ARPC5: variants seen among roughly 807,000 people sequenced by gnomAD.
ARPC5 encodes actin related protein 2/3 complex subunit 5.
Under a neutral mutation model 15.4 loss-of-function variants are expected in ARPC5, and 5 were observed. That is an observed-to-expected ratio of 0.32 (90% confidence interval 0.17 to 0.68). The LOEUF is 0.68. Ranked by LOEUF, ARPC5 falls within the 30% of genes least tolerant of loss-of-function variation. The pLI, the probability that ARPC5 is intolerant of heterozygous loss-of-function variation, is 0.71. For missense variants in ARPC5, 138 were observed against 192.8 expected (o/e 0.72, Z 1.68); for synonymous variants, 85 against 72.2 (o/e 1.18, Z -0.90).
In ARPC5 at chr1:183,621,074, C is replaced by A. The variant is rs1186464076; in HGVS notation, c.*6458G>T. 1 of 151,960 alleles carries A rather than the reference C, an allele frequency of 6.6e-6. No homozygotes were observed. The highest frequency in any genetic ancestry group is 1.5e-5 in the Non-Finnish European group (1 of 67,974). 9.4% of individuals were successfully genotyped at this position (151,960 alleles called of 1,614,324 possible). On this transcript the variant is annotated 3_prime_UTR_variant, in exon 4 of 4. Transcript: ENST00000359856. ...AATCTCATTTACATTAAGAGAAATG[C>A]AAATATATGATACCATTTTTAAAAC...
intron 3 of ARPC5, among the ~76,000 whole-genome samples, chr1:183,628,554 C>T (rs1649177893): frequency 2.6e-5 from 4 of 152,158 alleles, no homozygotes; most frequent in African/African-American, 9.7e-5. Flanking sequence ...ATTTTCTGGT[C>T]TAGCATGAGG....
chr1:183,630,703 A>G (rs1649239240), intron 2 of ARPC5, 66 bp from the exon 3 acceptor site: 7 of 1,446,748 alleles, frequency 4.8e-6, no homozygotes, highest in African/African-American at 1.4e-5. Context: ...GAATTTCAGA[A>G]AGTCTACACT....
intron 3 of ARPC5, among the ~76,000 whole-genome samples, chr1:183,627,853 C>T (rs1649149872): frequency 6.6e-6 from 1 of 152,140 alleles, no homozygotes; most frequent in South Asian, 2.1e-4. Context: ...CATTTTAGTA[C>T]ATTAATTCTA....
intron 3 of ARPC5, among the ~76,000 whole-genome samples, chr1:183,628,956 A>G (rs1177859916): frequency 6.6e-6 from 1 of 152,230 alleles, no homozygotes; most frequent in Non-Finnish European, 1.5e-5. Flanking sequence ...TGAAGGAGGC[A>G]AAACTGTTAA....
Position 183,623,618 on chromosome 1 carries a change from T to C in ARPC5, c.*3914A>G, listed in dbSNP as rs1013551441. 4.6e-6 allele frequency: 5 copies of C among 1,098,798 alleles called. No homozygotes were observed. The highest frequency in any genetic ancestry group is 5.3e-6 in the Non-Finnish European group (4 of 748,554). 68.1% of individuals were successfully genotyped at this position (1,098,798 alleles called of 1,614,324 possible). ...AGGGCACTTGGTTCTACAGAGGCCG[T>C]TGGTCTGTTCCTTAATTGGGTGTGT... On this transcript the variant is annotated 3_prime_UTR_variant, in exon 4 of 4. Coordinates refer to ENST00000359856, the MANE Select transcript of ARPC5 (RefSeq NM_005717.4).
rs1456120776 is a variant in ARPC5 at position 183,621,183 on chromosome 1, C to T, written c.*6349G>A. 3 of 152,170 alleles carry T rather than the reference C, an allele frequency of 2.0e-5. No individual in the cohort carries two copies. Among genetic ancestry groups the T allele is most frequent in the African/African-American group, 2.4e-5 (1 of 41,444 alleles). The allele number at this position is 152,170 out of a possible 1,614,324, so 9.4% of individuals were successfully genotyped here. ...GTGGGAAAACATGCATTCTTCTACA[C>T]GGCTGGAGAAAGTATAATTGATAAA... On this transcript the variant is annotated 3_prime_UTR_variant, in exon 4 of 4. Transcript: ENST00000359856.
At chr1:183,633,361 A>T (rs894990029) in intron 1 of ARPC5, 3 of 399,100 alleles carry the variant, frequency 7.5e-6, no homozygotes, top group Non-Finnish European at 1.3e-5. Context: ...TTTTTAATAA[A>T]GCAAAGACTG....
chr1:183,633,158 A>G lies in ARPC5; in HGVS notation c.144-4T>C. On this transcript the variant is annotated splice_polypyrimidine_tract_variant and splice_region_variant and intron_variant, in intron 1 of 3. Coordinates refer to ENST00000359856, the MANE Select transcript of ARPC5 (RefSeq NM_005717.4). The stretch of plus-strand genomic sequence containing the variant: ...TAGGGCAGCTGTCATGTTTCCTGTG[A>G]TGGAAGTTAAGGGTGTAACAGCAAA... 2.5e-6 allele frequency: 4 copies of G among 1,598,524 alleles called. No homozygotes were observed. The highest frequency in any genetic ancestry group is 3.4e-6 in the Non-Finnish European group (4 of 1,174,152).
rs769183270 is a variant in ARPC5, at chr1:183,630,526, T to C, written c.328A>G (p.Ile110Val). Residue 110 changes from isoleucine (I) to valine (V), a missense_variant, in exon 3 of 4, where the codon ATT becomes GTT. Physicochemically the swap from Ile to Val is conservative, Grantham distance 29. Transcript: ENST00000359856. ...KNGVDLLMKYIYKGFESPSDN... is the reference protein window; with the variant it reads ...KNGVDLLMKYVYKGFESPSDN... ...GACGGGCTCTCAAATCCTTTATAAA[T>C]ATACTTCATTAGGAGATCCACACCA... 5.6e-6 allele frequency: 9 copies of C among 1,612,856 alleles called. No homozygotes were observed. The South Asian group carries it at 6.6e-5, about 12-fold the overall frequency.
chr1:183,632,734 T>C (rs144657852), intron 2 of ARPC5: 62 of 175,224 alleles, frequency 3.5e-4, no homozygotes, highest in African/African-American at 1.3e-3. Context: ...AGTATTTGTA[T>C]GGTTTTAAAA....
At chr1:183,627,836 T>C (rs544069000) in intron 3 of ARPC5, among the ~76,000 whole-genome samples, 2 of 152,320 alleles carry the variant, frequency 1.3e-5, no homozygotes, top group Non-Finnish European at 2.9e-5. Flanking sequence ...AGTGAGATAC[T>C]AGTTTACATT....
At chr1:183,630,780 G>T in intron 2 of ARPC5, 143 bp from the exon 3 acceptor site, 1 of 729,812 alleles carries the variant, frequency 1.4e-6, no homozygotes, top group Non-Finnish European at 2.2e-6. Flanking sequence ...TGAGGAAAGT[G>T]TTTCAGACAG....
intron 1 of ARPC5, among the ~76,000 whole-genome samples, chr1:183,634,216 A>C (rs188511612): frequency 2.6e-3 from 397 of 152,348 alleles, no homozygotes; most frequent in Middle Eastern, 6.8e-3. Context: ...TCAAGGCTGC[A>C]GGGATTTCTA....
rs1467170390 is a variant in ARPC5, at chr1:183,627,626, G to C, written c.394-32C>G. 3.8e-6 allele frequency: 6 copies of C among 1,565,014 alleles called. No homozygotes were observed. The Admixed American group carries it at 1.0e-4, about 26-fold the overall frequency. ...ACAAACCAAGATGTAAATGTTGACAGAATAATAAAAGGTCAATTCTCATAT... is the reference window on the plus strand; with the variant it reads ...ACAAACCAAGATGTAAATGTTGACACAATAATAAAAGGTCAATTCTCATAT... On this transcript the variant is annotated intron_variant, in intron 3 of 3. Transcript: ENST00000359856.
At chr1:183,632,851 A>G in intron 2 of ARPC5, 1 of 362,228 alleles carries the variant, frequency 2.8e-6, no homozygotes, top group Non-Finnish European at 5.0e-6. Context: ...AAACACACAC[A>G]AATGATTTCA....
chr1:183,627,466 T>C lies in ARPC5; in HGVS notation c.*66A>G. The C allele has an allele frequency of 7.3e-7, 1 of 1,374,964 alleles. No homozygotes were observed. The highest frequency in any genetic ancestry group is 1.0e-6 in the Non-Finnish European group (1 of 962,666). The allele number at this position is 1,374,964 out of a possible 1,614,324, so 85.2% of individuals were successfully genotyped here. A position where few individuals can be genotyped will look rare whatever the true frequency, so the allele number is the denominator to read the frequency against. On this transcript the variant is annotated 3_prime_UTR_variant, in exon 4 of 4. Transcript: ENST00000359856. ...GCTACCCACAGGGCAGCGGTGGCAT[T>C]TGGTTGTTTTGGTCTTTGTACCAGC...
rs980814223 is a variant in ARPC5, at chr1:183,625,441, C to T, written c.*2091G>A. 2.0e-5 allele frequency: 3 copies of T among 152,194 alleles called. No homozygotes were observed. The highest frequency in any genetic ancestry group is 2.9e-5 in the Non-Finnish European group (2 of 68,022). The allele number at this position is 152,194 out of a possible 1,614,324, so 9.4% of individuals were successfully genotyped here. A position where few individuals can be genotyped will look rare whatever the true frequency, so the allele number is the denominator to read the frequency against. On this transcript the variant is annotated 3_prime_UTR_variant, in exon 4 of 4. Coordinates refer to ENST00000359856, the MANE Select transcript of ARPC5 (RefSeq NM_005717.4). ...ATATGAACTCCAGAATTTTTCCAAA[C>T]GCTTCAGTTATGAAAGTGATGTTAA...
At position 183,633,170 on chromosome 1, in the gene ARPC5, G is replaced by A; in HGVS notation, c.144-16C>T. The A allele has an allele frequency of 1.3e-6, 2 of 1,582,180 alleles. No individual in the cohort carries two copies. Among genetic ancestry groups the A allele is most frequent in the Non-Finnish European group, 1.7e-6 (2 of 1,166,450 alleles). ...CATGTTTCCTGTGATGGAAGTTAAG[G>A]GTGTAACAGCAAAGGATGGCCCCCA... On this transcript the variant is annotated splice_polypyrimidine_tract_variant and intron_variant, in intron 1 of 3. Coordinates refer to ENST00000359856, the MANE Select transcript of ARPC5 (RefSeq NM_005717.4).
At position 183,626,165 on chromosome 1, in the gene ARPC5, A is replaced by C. The variant is rs1430164704; in HGVS notation, c.*1367T>G. On this transcript the variant is annotated 3_prime_UTR_variant, in exon 4 of 4. Coordinates refer to ENST00000359856, the MANE Select transcript of ARPC5 (RefSeq NM_005717.4). ...AACCTTTCCTCTTAATTAACCATAC[A>C]TTCATAATTGTTAAAGTCAGAGAAA... is the stretch of plus-strand genomic sequence containing the variant. 6.6e-6 allele frequency: 1 copy of C among 152,252 alleles called. No individual in the cohort carries two copies. The highest frequency in any genetic ancestry group is 2.4e-5 in the African/African-American group (1 of 41,464). 9.4% of individuals were successfully genotyped at this position (152,252 alleles called of 1,614,324 possible).
Sources: allele counts gnomAD v4.1 joint callset (sites outside exome capture counted in the v4.1 genomes callset), GRCh38; gene constraint gnomAD v4.1.1; transcripts MANE v1.5; gene names NCBI Gene and HGNC (gene_info 2026-07-23, HGNC 2026-07-21).